Variants in NAA40 observed in about 807,000 individuals in gnomAD.
The protein encoded by NAA40 is N-alpha-acetyltransferase 40.
In NAA40, 26 loss-of-function variants were observed where a neutral mutation model predicts 36.6. The ratio of observed to expected loss-of-function variants is 0.71; its 90% CI spans 0.52 to 0.98. The LOEUF (loss-of-function observed/expected upper bound fraction) is 0.98. Ranked by LOEUF, NAA40 falls within the 50% of genes least tolerant of loss-of-function variation. The pLI, the probability that NAA40 is intolerant of heterozygous loss-of-function variation, is 0.00. For missense variants in NAA40, 237 were observed against 306.5 expected (o/e 0.77, Z 1.69); for synonymous variants, 129 against 108.4 (o/e 1.19, Z -1.18).
chr11:63,944,254 T>C (rs936481673), intron 1 of NAA40, among the ~76,000 whole-genome samples: 11 of 152,176 alleles, frequency 7.2e-5, no homozygotes, highest in African/African-American at 2.7e-4. Context: ...TGAGTGTCCT[T>C]TCCTGGGGCC....
Position 63,953,968 on chromosome 11 carries a change from CCAGCACA to C in NAA40, c.495_501del (p.Ser165ArgfsTer2). 6.2e-7 allele frequency: 1 copy of C among 1,613,716 alleles called. No individual in the cohort carries two copies. Among genetic ancestry groups the C allele is most frequent in the South Asian group, 1.1e-5 (1 of 91,054 alleles). ...TAAAAGGCGTTTGCTCTGCTTTCTTCCAGCACACAGATGAAGAAGGTTATGTTAACAG... is the reference window on the plus strand; with the variant it reads ...TAAAAGGCGTTTGCTCTGCTTTCTTCCAGATGAAGAAGGTTATGTTAACAG... On this transcript the variant is annotated splice_acceptor_variant and splice_polypyrimidine_tract_variant and coding_sequence_variant and intron_variant, in exon 7 of 8. Transcript: ENST00000377793. LOFTEE classifies it high-confidence loss of function.
chr11:63,946,037 C>A, intron 2 of NAA40, 102 bp downstream of exon 2: 1 of 964,668 alleles, frequency 1.0e-6, no homozygotes, highest in Non-Finnish European at 1.6e-6. Flanking sequence ...GTGACACTAC[C>A]CACCCACACC....
In NAA40 at chr11:63,945,761, C is replaced by A. The variant is rs557389400; in HGVS notation, c.7-79C>A. On this transcript the variant is annotated intron_variant, in intron 1 of 7. Coordinates refer to ENST00000377793, the MANE Select transcript of NAA40 (RefSeq NM_024771.4). ...CTGGGCCAGGCCTGTGGATGCAGGG[C>A]CCTTCGATTCCTTAAAGGGAAAGTC... 7 of 1,217,878 alleles carry A rather than the reference C, an allele frequency of 5.7e-6. No individual in the cohort carries two copies. In the East Asian group the frequency reaches 1.4e-4, roughly 24 times the overall value. The allele number at this position is 1,217,878 out of a possible 1,614,324, so 75.4% of individuals were successfully genotyped here. A position where few individuals can be genotyped will look rare whatever the true frequency, so the allele number is the denominator to read the frequency against.
chr11:63,947,841 C>A (rs1452315978), intron 3 of NAA40, among the ~76,000 whole-genome samples: 2 of 151,092 alleles, frequency 1.3e-5, no homozygotes, highest in Admixed American at 1.3e-4. Context: ...TCTGTCTCAG[C>A]CTCTCAAATA....
Position 63,939,052 on chromosome 11 carries a change from G to T in NAA40, c.-45G>T. The stretch of plus-strand genomic sequence containing the variant: ...CAGCCACCGCCGTTGCCGCCTCCCT[G>T]CCGGCAAGTGTGTGAAGAAGAAGCT... On this transcript the variant is annotated 5_prime_UTR_variant, in exon 1 of 8. Coordinates refer to ENST00000377793, the MANE Select transcript of NAA40 (RefSeq NM_024771.4). 1 of 1,589,016 alleles carries T rather than the reference G, an allele frequency of 6.3e-7. No individual in the cohort carries two copies. The highest frequency in any genetic ancestry group is 1.7e-5 in the Admixed American group (1 of 57,310).
At chr11:63,949,498 A>T (rs1942241840) in intron 3 of NAA40, among the ~76,000 whole-genome samples, 1 of 152,026 alleles carries the variant, frequency 6.6e-6, no homozygotes, top group Non-Finnish European at 1.5e-5. Context: ...TCTGGAGTGA[A>T]GGCCCCCTCA....
At chr11:63,949,227 A>G (rs182228089) in intron 3 of NAA40, among the ~76,000 whole-genome samples, 110 of 152,294 alleles carry the variant, frequency 7.2e-4, no homozygotes, top group Non-Finnish European at 1.2e-4. Context: ...TTCTAATAAT[A>G]GTACCTTTCT....
chr11:63,950,372 A>G lies in NAA40; in HGVS notation c.156-1866A>G, dbSNP rs368585687. 1.4e-3 allele frequency among the ~76,000 whole-genome samples: 217 copies of G among 151,170 alleles called. 2 individuals are homozygous for G. The Middle Eastern group carries it at 0.017, about 12-fold the overall frequency. ...GACCTCAGGTGATCCACCTGCCTCA[A>G]CCTCCCGAAGTGCTGAGATTGTAGG... On this transcript the variant is annotated intron_variant, in intron 3 of 7. Transcript: ENST00000377793.
intron 1 of NAA40, 155 bp downstream of exon 1, chr11:63,939,257 G>A: frequency 7.7e-7 from 1 of 1,303,352 alleles, no homozygotes; most frequent in South Asian, 1.8e-5. Flanking sequence ...CATTCTAAGG[G>A]TCCCTACGCT....
At chr11:63,950,645 T>TTAAAGA (rs1942265393) in intron 3 of NAA40, among the ~76,000 whole-genome samples, 2 of 150,358 alleles carry the variant, frequency 1.3e-5, no homozygotes, top group African/African-American at 2.5e-5. Flanking sequence ...TGTATTTTTA[T>TTAAAGA]TAAAGATGGG....
intron 6 of NAA40, among the ~76,000 whole-genome samples, chr11:63,953,065 T>TTTTTTTTA (rs57573275): frequency 6.6e-6 from 1 of 150,542 alleles, no homozygotes; most frequent in African/African-American, 2.4e-5. Context: ...TTTTTTTTTT[T>TTTTTTTTA]GAGACAGAGT....
At chr11:63,951,982 G>A (rs890159622) in intron 3 of NAA40, among the ~76,000 whole-genome samples, 3 of 152,208 alleles carry the variant, frequency 2.0e-5, no homozygotes, top group African/African-American at 4.8e-5. Context: ...GTGCCGAGGC[G>A]GATTAGGACA....
At chr11:63,952,730 C>T (rs1942301002) in intron 5 of NAA40, 26 bp from the exon 6 acceptor site, 2 of 1,613,576 alleles carry the variant, frequency 1.2e-6, no homozygotes, top group Non-Finnish European at 1.7e-6. Flanking sequence ...ATCCTGCACG[C>T]TCACCTCTCT....
At position 63,952,452 on chromosome 11, in the gene NAA40, G is replaced by A; in HGVS notation, c.297G>A (p.Glu99=). 1 of 1,614,206 alleles carries A rather than the reference G, an allele frequency of 6.2e-7. No homozygotes were observed. The highest frequency in any genetic ancestry group is 8.5e-7 in the Non-Finnish European group (1 of 1,180,036). Residue 99 remains glutamate (E), a synonymous_variant, in exon 5 of 8, where the codon GAG becomes GAA. Transcript: ENST00000377793. ...GCTGGAAGGACCGAGAGAAACGGGA[G>A]GAAATGACAGATGACCGAGCCTGGT... is the stretch of plus-strand genomic sequence containing the variant. ...EWGWKDREKR[E]EMTDDRAWYL...
At chr11:63,941,401 G>A (rs1942107013) in intron 1 of NAA40, among the ~76,000 whole-genome samples, 1 of 152,198 alleles carries the variant, frequency 6.6e-6, no homozygotes, top group South Asian at 2.1e-4. Flanking sequence ...TCAGGAGTTA[G>A]AATTTATATT....
intron 3 of NAA40, among the ~76,000 whole-genome samples, chr11:63,950,338 C>G (rs1445671061): frequency 2.0e-5 from 3 of 152,100 alleles, no homozygotes; most frequent in Non-Finnish European, 4.4e-5. Flanking sequence ...AGGCTGGTCC[C>G]GAACTCCTGA....
chr11:63,943,779 G>A (rs1288916871), intron 1 of NAA40, among the ~76,000 whole-genome samples: 1 of 151,908 alleles, frequency 6.6e-6, no homozygotes, highest in East Asian at 1.9e-4. Flanking sequence ...GCAACATAGT[G>A]AGACTCCCCC....
At chr11:63,941,617 A>G (rs1422841577) in intron 1 of NAA40, among the ~76,000 whole-genome samples, 1 of 152,022 alleles carries the variant, frequency 6.6e-6, no homozygotes, top group Non-Finnish European at 1.5e-5. Flanking sequence ...CAGTGGCACA[A>G]TCTCAGCTCA....
chr11:63,950,834 AG>A (rs761632558), intron 3 of NAA40, among the ~76,000 whole-genome samples: 17 of 152,246 alleles, frequency 1.1e-4, no homozygotes, highest in Non-Finnish European at 2.1e-4. Context: ...AGGCATTGCC[AG>A]CCAAGTCTGG....
Sources: gnomAD v4.1 joint callset for allele counts (sites outside exome capture counted in the v4.1 genomes callset) on GRCh38, gnomAD v4.1.1 for gene constraint, MANE v1.5 for transcripts, NCBI Gene and HGNC (gene_info 2026-07-23, HGNC 2026-07-21) for gene names.